The following MCTP1 variants were observed in gnomAD, a reference collection of about 807,000 sequenced individuals.
MCTP1 encodes multiple C2 and transmembrane domain containing 1.
A neutral mutation model predicts 120.6 loss-of-function variants in MCTP1; 69 were observed. The ratio of observed to expected loss-of-function variants is 0.57; its 90% CI spans 0.47 to 0.70. The LOEUF is 0.70. Among genes scored for constraint, MCTP1 ranks in the 30% least tolerant of loss-of-function variants. The probability of loss-of-function intolerance (pLI) is 0.00; values close to 1 mark genes in which losing one functional copy is unlikely to be tolerated. For missense variants in MCTP1, 1,203 were observed against 1,248.8 expected, an observed-to-expected ratio of 0.96 and a Z score of 0.55; for synonymous variants, 529 against 493.1, an observed-to-expected ratio of 1.07 and a Z score of -0.96.
intron 1 of MCTP1, among the ~76,000 whole-genome samples, chr5:95,090,849 T>C (rs1755791575): frequency 1.3e-5 from 2 of 152,032 alleles, no homozygotes; most frequent in Admixed American, 1.3e-4. Context: ...ATATCTGAGC[T>C]CTCACCTGTA....
At chr5:94,863,518 T>C (rs562670721) in intron 17 of MCTP1, among the ~76,000 whole-genome samples, 1 of 151,972 alleles carries the variant, frequency 6.6e-6, no homozygotes, top group African/African-American at 2.4e-5. Context: ...CTACATTTCA[T>C]TGTGCCTTAA....
chr5:94,980,658 T>C lies in MCTP1; in HGVS notation c.839-27297A>G, dbSNP rs80077284. On this transcript the variant is annotated intron_variant, in intron 2 of 22. Coordinates refer to ENST00000515393, the MANE Select transcript of MCTP1 (RefSeq NM_024717.7). ...ATTTCATAGACACCCTTTCCAAGCA[T>C]GTGTAGTCCTAAAGACATTGTCACT... Among the ~76,000 whole-genome samples, 1,155 of 152,216 alleles carry C rather than the reference T, an allele frequency of 7.6e-3. 34 individuals carry two copies. The highest frequency in any genetic ancestry group is 0.068 in the East Asian group (351 of 5,176).
At chr5:94,863,526 T>G (rs531606980) in intron 17 of MCTP1, among the ~76,000 whole-genome samples, 2 of 152,022 alleles carry the variant, frequency 1.3e-5, no homozygotes, top group South Asian at 4.1e-4. Flanking sequence ...CATTGTGCCT[T>G]AATGTGAATA....
intron 2 of MCTP1, among the ~76,000 whole-genome samples, chr5:94,967,331 T>C (rs1825858840): frequency 6.6e-6 from 1 of 152,212 alleles, no homozygotes. Flanking sequence ...TGAACACTTA[T>C]TATATCAGCT....
chr5:94,864,747 T>G (rs1431267100), intron 17 of MCTP1, among the ~76,000 whole-genome samples: 4 of 151,910 alleles, frequency 2.6e-5, no homozygotes, highest in Non-Finnish European at 5.9e-5. Context: ...TCCTGTAAAA[T>G]AATTCTTTGA....
At chr5:94,742,531 G>C (rs1176817020) in intron 19 of MCTP1, among the ~76,000 whole-genome samples, 2 of 152,144 alleles carry the variant, frequency 1.3e-5, no homozygotes, top group South Asian at 2.1e-4. Flanking sequence ...AGTGCTCCCT[G>C]GGTCTTAGAG....
chr5:94,770,917 G>T (rs987572408), intron 19 of MCTP1, among the ~76,000 whole-genome samples: 2 of 152,134 alleles, frequency 1.3e-5, no homozygotes, highest in Non-Finnish European at 2.9e-5. Context: ...AGATCCCATT[G>T]TGTTACTGTT....
At chr5:94,976,707 T>C (rs1269336816) in intron 2 of MCTP1, 2 of 152,174 alleles carry the variant, frequency 1.3e-5, no homozygotes, top group Admixed American at 6.6e-5. Flanking sequence ...GGAAGGTTTT[T>C]CTTATGTGTA....
chr5:94,755,717 C>T lies in MCTP1; in HGVS notation c.2610+23393G>A, dbSNP rs138550477. On this transcript the variant is annotated intron_variant, in intron 19 of 22. Coordinates refer to ENST00000515393, the MANE Select transcript of MCTP1 (RefSeq NM_024717.7). ...GTATATGTTCTGTTTTTCATCCTCCCGTTGCCCTTTAAATAGATGCATTCT... is the reference window on the plus strand; with the variant it reads ...GTATATGTTCTGTTTTTCATCCTCCTGTTGCCCTTTAAATAGATGCATTCT... Among the ~76,000 whole-genome samples the T allele has an allele frequency of 2.6e-4, 39 of 152,282 alleles. No individual in the cohort carries two copies. The East Asian group carries it at 6.8e-3, about 26-fold the overall frequency.
intron 17 of MCTP1, among the ~76,000 whole-genome samples, chr5:94,823,357 T>C (rs1218437102): frequency 6.6e-6 from 1 of 152,184 alleles, no homozygotes; most frequent in East Asian, 1.9e-4. Context: ...TGGTTGTAAA[T>C]GTGTGGTGTT....
At chr5:95,033,030 C>T (rs911922586) in intron 1 of MCTP1, among the ~76,000 whole-genome samples, 1 of 151,980 alleles carries the variant, frequency 6.6e-6, no homozygotes, top group Non-Finnish European at 1.5e-5. Context: ...AACACGCAAC[C>T]TTCCAAGACT....
intron 19 of MCTP1, among the ~76,000 whole-genome samples, chr5:94,764,828 CAAAAA>C (rs57246943): frequency 2.2e-5 from 2 of 90,966 alleles, no homozygotes; most frequent in Non-Finnish European, 4.5e-5. Flanking sequence ...TGACCTGGAC[CAAAAA>C]AAAAAAAAAA....
intron 5 of MCTP1, among the ~76,000 whole-genome samples, chr5:94,933,894 G>T (rs1204965720): frequency 6.6e-6 from 1 of 151,714 alleles, no homozygotes; most frequent in Non-Finnish European, 1.5e-5. Context: ...AGGCTGCATG[G>T]TTTTATTTTT....
intron 1 of MCTP1, among the ~76,000 whole-genome samples, chr5:95,049,713 C>T (rs1745414626): frequency 1.3e-5 from 2 of 152,042 alleles, no homozygotes; most frequent in South Asian, 4.1e-4. Flanking sequence ...TACCATGATG[C>T]GCAGACATAG....
intron 2 of MCTP1, among the ~76,000 whole-genome samples, chr5:94,995,285 G>C (rs1187337463): frequency 6.6e-6 from 1 of 152,162 alleles, no homozygotes; most frequent in Non-Finnish European, 1.5e-5. Flanking sequence ...CATTTCCAGA[G>C]TTTATGATTC....
At chr5:94,952,382 T>A (rs182366475) in intron 3 of MCTP1, among the ~76,000 whole-genome samples, 2 of 152,294 alleles carry the variant, frequency 1.3e-5, no homozygotes, top group Admixed American at 1.3e-4. Context: ...TATTTCTTGT[T>A]CCTTTCTGTG....
intron 1 of MCTP1, among the ~76,000 whole-genome samples, chr5:95,258,484 T>C (rs913418148): frequency 3.9e-5 from 6 of 152,158 alleles, no homozygotes; most frequent in African/African-American, 1.4e-4. Context: ...GAGACATAAC[T>C]AAATGTAATA....
intron 1 of MCTP1, among the ~76,000 whole-genome samples, chr5:95,249,966 A>G (rs998127889): frequency 1.3e-5 from 2 of 152,194 alleles, no homozygotes; most frequent in East Asian, 1.9e-4. Flanking sequence ...ACAAGAACAC[A>G]TGGACACAGG....
rs1176257632 is a variant in MCTP1 at position 95,284,038 on chromosome 5, G to T, written c.538C>A (p.Arg180=). 2.0e-6 allele frequency: 3 copies of T among 1,518,006 alleles called. No individual in the cohort carries two copies. The highest frequency in any genetic ancestry group is 2.2e-5 in the Admixed American group (1 of 45,594). 94.0% of individuals were successfully genotyped at this position (1,518,006 alleles called of 1,614,324 possible). A position where few individuals can be genotyped will look rare whatever the true frequency, so the allele number is the denominator to read the frequency against. The change falls in exon 1 of 23, where the codon CGA becomes AGA. Residue 180 remains arginine (R), a synonymous_variant. Coordinates refer to ENST00000515393, the MANE Select transcript of MCTP1 (RefSeq NM_024717.7). The surrounding 1 kb of genome is among the most constrained non-coding windows in gnomAD (Gnocchi z 5.2). The stretch of plus-strand genomic sequence containing the variant: ...CCCTGACGCCGTGCACCCTCATCTC[G>T]GGCGCGGTCCCCCCTCGGGGGAGGC... ...PQPPPRGDRA[R]DEGARRQGPG... is the part of the protein sequence containing the mutation.
Sources: gnomAD v4.1 joint callset for allele counts (sites outside exome capture counted in the v4.1 genomes callset) on GRCh38, gnomAD v4.1.1 for gene constraint, Gnocchi (gnomAD v3.1) non-coding constraint, MANE v1.5 for transcripts, NCBI Gene and HGNC (gene_info 2026-07-23, HGNC 2026-07-21) for gene names.